ZCCHC14: variants seen among roughly 807,000 people sequenced by gnomAD.
ZCCHC14 encodes zinc finger CCHC domain-containing protein 14.
In ZCCHC14, 16 loss-of-function variants were observed where a neutral mutation model predicts 85.0. The observed-to-expected ratio is 0.19, with a 90% confidence interval of 0.13 to 0.29. The LOEUF (loss-of-function observed/expected upper bound fraction) is 0.29, where lower values mean the gene tolerates loss of function less well. Ranked by LOEUF, ZCCHC14 falls within the 10% of genes least tolerant of loss-of-function variation. ZCCHC14 has a pLI of 1.00. For missense variants in ZCCHC14, 1,303 were observed against 1,443.5 expected (o/e 0.90, Z 1.58); for synonymous variants, 775 against 630.7 (o/e 1.23, Z -3.43).
At chr16:87,437,888 A>G (rs546412850) in intron 2 of ZCCHC14, among the ~76,000 whole-genome samples, 12 of 152,360 alleles carry the variant, frequency 7.9e-5, no homozygotes, top group South Asian at 4.1e-4. Context: ...GGTGATGTCC[A>G]AAGTCAGGCC....
chr16:87,436,323 C>T (rs1909918579), intron 2 of ZCCHC14, among the ~76,000 whole-genome samples: 1 of 152,256 alleles, frequency 6.6e-6, no homozygotes, highest in Non-Finnish European at 1.5e-5. Flanking sequence ...AGTGGCGGCC[C>T]CCCGCCAGGG....
intron 2 of ZCCHC14, among the ~76,000 whole-genome samples, chr16:87,440,778 TG>T (rs1413731081): frequency 1.3e-5 from 2 of 151,718 alleles, no homozygotes; most frequent in East Asian, 1.9e-4. Context: ...AGCCGATTTT[TG>T]TATTTTTTTT....
intron 1 of ZCCHC14, among the ~76,000 whole-genome samples, chr16:87,478,492 G>C (rs1912123157): frequency 1.3e-5 from 2 of 152,332 alleles, no homozygotes; most frequent in East Asian, 1.9e-4. Flanking sequence ...GAATCTCCCA[G>C]AGGTGGTGTG....
At chr16:87,417,336 A>C in intron 8 of ZCCHC14, 124 bp downstream of exon 8, 1 of 1,400,010 alleles carries the variant, frequency 7.1e-7, no homozygotes, top group Non-Finnish European at 9.7e-7. Flanking sequence ...CCTTAAGAAC[A>C]GGCGCTGCGC....
chr16:87,487,989 G>A (rs537143530), intron 1 of ZCCHC14, among the ~76,000 whole-genome samples: 73 of 152,072 alleles, frequency 4.8e-4, no homozygotes, highest in Non-Finnish European at 9.3e-4. Flanking sequence ...AATGGGGAGC[G>A]ACTCCTAATA....
At chr16:87,429,854 G>C (rs901652075) in intron 3 of ZCCHC14, among the ~76,000 whole-genome samples, 1 of 152,162 alleles carries the variant, frequency 6.6e-6, no homozygotes, top group African/African-American at 2.4e-5. Flanking sequence ...TGATCCGTCC[G>C]CCTTGGGCTC....
At chr16:87,422,265 G>A (rs1002661767) in intron 4 of ZCCHC14, among the ~76,000 whole-genome samples, 1 of 152,152 alleles carries the variant, frequency 6.6e-6, no homozygotes, top group African/African-American at 2.4e-5. Flanking sequence ...GGATCGGCTG[G>A]TGTGGAAACG....
At chr16:87,470,503 G>C (rs1911729881) in intron 1 of ZCCHC14, 1 of 152,138 alleles carries the variant, frequency 6.6e-6, no homozygotes, top group Non-Finnish European at 1.5e-5. Context: ...GGACAGCAAG[G>C]AGGCAGGATG....
At chr16:87,453,352 G>C (rs1290984338) in intron 2 of ZCCHC14, among the ~76,000 whole-genome samples, 1 of 152,264 alleles carries the variant, frequency 6.6e-6, no homozygotes, top group African/African-American at 2.4e-5. Context: ...GAAGTCACTG[G>C]AGAGTAGTGG....
rs533725873 is a variant in ZCCHC14 at position 87,420,850 on chromosome 16, T to C, written c.841-134A>G. ...GGTCTGATATGATTTACACCTCCCG[T>C]CAGAGCTATTCTGGGGCCCACATCC... On this transcript the variant is annotated intron_variant, in intron 4 of 12. Coordinates refer to ENST00000671377, the MANE Select transcript of ZCCHC14 (RefSeq NM_015144.3). The surrounding 1 kb of genome is among the most constrained non-coding windows in gnomAD (Gnocchi z 5.0). 6.3e-6 allele frequency: 4 copies of C among 631,514 alleles called. No homozygotes were observed. Among genetic ancestry groups the C allele is most frequent in the Non-Finnish European group, 1.1e-5 (4 of 372,952 alleles). The allele number at this position is 631,514 out of a possible 1,614,324, so 39.1% of individuals were successfully genotyped here. A position where few individuals can be genotyped will look rare whatever the true frequency, so the allele number is the denominator to read the frequency against.
chr16:87,431,452 G>A (rs1172339986), intron 3 of ZCCHC14, among the ~76,000 whole-genome samples: 2 of 140,456 alleles, frequency 1.4e-5, no homozygotes, highest in South Asian at 2.3e-4. Context: ...CAGCCTGGGC[G>A]ACAGAGCAAG....
In ZCCHC14 at chr16:87,433,122, T is replaced by A. The variant is rs761371348; in HGVS notation, c.768+6A>T. 1 of 1,613,950 alleles carries A rather than the reference T, an allele frequency of 6.2e-7. No homozygotes were observed. Among genetic ancestry groups the A allele is most frequent in the Non-Finnish European group, 8.5e-7 (1 of 1,179,938 alleles). ...GGAGAGAGGGGAAAAAAACTTAGCA[T>A]CTTACCTCAAAGGAACATTCAACAT... is the stretch of plus-strand genomic sequence containing the variant. On this transcript the variant is annotated splice_donor_region_variant and intron_variant, in intron 3 of 12. Transcript: ENST00000671377.
In ZCCHC14 at chr16:87,412,767, T is replaced by C. The variant is rs1245709520; in HGVS notation, c.1954A>G (p.Lys652Glu). 2 of 1,614,090 alleles carry C rather than the reference T, an allele frequency of 1.2e-6. No homozygotes were observed. Among genetic ancestry groups the C allele is most frequent in the Admixed American group, 1.7e-5 (1 of 60,004 alleles). ...TPIRMLNSVHKPERGSADMKL... is the reference protein window; with the variant it reads ...TPIRMLNSVHEPERGSADMKL... ...ATGTCCGCGCTCCCTCTTTCCGGCTTGTGCACGGAATTCAGCATGCGGATG... is the reference window on the plus strand; with the variant it reads ...ATGTCCGCGCTCCCTCTTTCCGGCTCGTGCACGGAATTCAGCATGCGGATG... The change falls in exon 12 of 13, where the codon AAG becomes GAG. Residue 652 changes from lysine to glutamate, a missense_variant. By Grantham distance (56) the Lys-to-Glu change is moderately conservative. Around this residue, in one of 7 missense-constraint regions of ZCCHC14, gnomAD observed 797 missense variants for 730.8 expected, o/e 1.09. Transcript: ENST00000671377.
rs192769738 is a variant in ZCCHC14, at chr16:87,471,310, C to G, written c.571-11179G>C. The G allele has an allele frequency of 1.6e-4, 25 of 152,256 alleles. 1 individual carries two copies. The East Asian group carries it at 4.6e-3, about 28-fold the overall frequency. 9.4% of individuals were successfully genotyped at this position (152,256 alleles called of 1,614,324 possible). A position where few individuals can be genotyped will look rare whatever the true frequency, so the allele number is the denominator to read the frequency against. On this transcript the variant is annotated intron_variant, in intron 1 of 12. Coordinates refer to ENST00000671377, the MANE Select transcript of ZCCHC14 (RefSeq NM_015144.3). ...CTAAAAACCAGAACAAGAAGACAGA[C>G]AGTTTAAGAGTGAAAGCTATTTGCT...
rs984936467 is a variant in ZCCHC14 at position 87,433,296 on chromosome 16, G to A, written c.695-95C>T. The A allele has an allele frequency of 3.5e-5, 42 of 1,199,970 alleles. No homozygotes were observed. The South Asian group carries it at 4.3e-4, about 12-fold the overall frequency. The allele number at this position is 1,199,970 out of a possible 1,614,324, so 74.3% of individuals were successfully genotyped here. A position where few individuals can be genotyped will look rare whatever the true frequency, so the allele number is the denominator to read the frequency against. On this transcript the variant is annotated intron_variant, in intron 2 of 12. Coordinates refer to ENST00000671377, the MANE Select transcript of ZCCHC14 (RefSeq NM_015144.3). ...GATATTCAGCAGTTTTCAAAACCAG[G>A]TTCTCAGCACCCAAGGCTGTCCTGT...
intron 4 of ZCCHC14, among the ~76,000 whole-genome samples, chr16:87,422,483 G>A (rs1010075394): frequency 2.0e-5 from 3 of 151,992 alleles, no homozygotes; most frequent in African/African-American, 7.3e-5. Context: ...CCAGTACTCT[G>A]GGAGGCCGAG....
rs772797440 is a variant in ZCCHC14, at chr16:87,407,207, G to C, written c.*3073C>G. ...GTATAAACTAACTGTGCTGACTTTG[G>C]GCAATAAAGGACCTAGAATTCTAAG... On this transcript the variant is annotated 3_prime_UTR_variant, in exon 13 of 13. Coordinates refer to ENST00000671377, the MANE Select transcript of ZCCHC14 (RefSeq NM_015144.3). 1 of 152,076 alleles carries C rather than the reference G, an allele frequency of 6.6e-6. No homozygotes were observed. Among genetic ancestry groups the C allele is most frequent in the Non-Finnish European group, 1.5e-5 (1 of 68,026 alleles). 9.4% of individuals were successfully genotyped at this position (152,076 alleles called of 1,614,324 possible). A position where few individuals can be genotyped will look rare whatever the true frequency, so the allele number is the denominator to read the frequency against.
chr16:87,437,336 T>C (rs181785773), intron 2 of ZCCHC14, among the ~76,000 whole-genome samples: 562 of 21,026 alleles, frequency 0.027, no homozygotes, highest in South Asian at 0.064. Context: ...AAATTCCATC[T>C]CAAAAAAAAA....
rs115293621 is a variant in ZCCHC14 at position 87,420,920 on chromosome 16, A to C, written c.841-204T>G. On this transcript the variant is annotated intron_variant, in intron 4 of 12. Transcript: ENST00000671377. The surrounding 1 kb of genome is among the most constrained non-coding windows in gnomAD (Gnocchi z 5.0). The stretch of plus-strand genomic sequence containing the variant: ...ACAAAAGAACATCGCTCTCACAGTT[A>C]CATCCGGAAAAGCTTGACAATCTGC... 4.2e-3 allele frequency among the ~76,000 whole-genome samples: 639 copies of C among 152,352 alleles called. 7 individuals carry two copies. Among genetic ancestry groups the C allele is most frequent in the African/African-American group, 0.015 (614 of 41,590 alleles).
Sources: allele counts gnomAD v4.1 joint callset (sites outside exome capture counted in the v4.1 genomes callset), GRCh38; gene constraint gnomAD v4.1.1; regional missense constraint gnomAD v4.1.1; non-coding constraint Gnocchi (gnomAD v3.1); transcripts MANE v1.5; gene names NCBI Gene and HGNC (gene_info 2026-07-23, HGNC 2026-07-21).